The following ROBO1 variants were observed in gnomAD, a reference collection of about 807,000 sequenced individuals.
The protein encoded by ROBO1 is roundabout homolog 1.
ROBO1 carries 149 observed loss-of-function variants against 195.9 expected under a neutral mutation model. That is an observed-to-expected ratio of 0.76 (90% CI 0.67 to 0.87). ROBO1 has a LOEUF of 0.87. Among genes scored for constraint, ROBO1 ranks in the 40% least tolerant of loss-of-function variants. ROBO1 has a pLI of 0.00. For synonymous variants in ROBO1, 816 were observed against 733.2 expected (o/e 1.11, Z -1.82); for missense variants, 1,933 against 2,068.3 (o/e 0.93, Z 1.27).
intron 2 of ROBO1, among the ~76,000 whole-genome samples, chr3:79,174,971 A>T (rs1462422273): frequency 6.6e-6 from 1 of 152,190 alleles, no homozygotes; most frequent in Non-Finnish European, 1.5e-5. Flanking sequence ...TTAATAATCA[A>T]ATGATAAAAC....
In ROBO1 at chr3:79,689,548, C is replaced by T. The variant is rs148853641; in HGVS notation, c.-51+78204G>A. Reference sequence around the variant, plus strand: ...AGCACACTAGCTGTTAATCACCATCCCCTTTTCCTTATGAGGCAAATAAAA... The same window carrying T: ...AGCACACTAGCTGTTAATCACCATCTCCTTTTCCTTATGAGGCAAATAAAA... On this transcript the variant is annotated intron_variant, in intron 1 of 30. Coordinates refer to ENST00000464233, the MANE Select transcript of ROBO1 (RefSeq NM_002941.4). Among the ~76,000 whole-genome samples the T allele has an allele frequency of 5.8e-3, 882 of 151,970 alleles. 14 individuals carry two copies. The highest frequency in any genetic ancestry group is 0.018 in the African/African-American group (752 of 41,464).
intron 2 of ROBO1, among the ~76,000 whole-genome samples, chr3:79,275,382 T>A (rs2030939187): frequency 6.6e-6 from 1 of 151,900 alleles, no homozygotes; most frequent in African/African-American, 2.4e-5. Flanking sequence ...ATAAAAATCA[T>A]ATAACCATTT....
chr3:78,771,928 C>T (rs2083386378), intron 4 of ROBO1, among the ~76,000 whole-genome samples: 1 of 152,118 alleles, frequency 6.6e-6, no homozygotes, highest in African/African-American at 2.4e-5. Flanking sequence ...CCATATTACT[C>T]ATTCTAAAGT....
chr3:79,693,735 A>G (rs965000116), intron 1 of ROBO1, among the ~76,000 whole-genome samples: 1 of 151,618 alleles, frequency 6.6e-6, no homozygotes, highest in African/African-American at 2.4e-5. Flanking sequence ...ACTGTGCCCA[A>G]CCCTGATTTG....
intron 2 of ROBO1, among the ~76,000 whole-genome samples, chr3:79,446,950 C>T (rs2039278853): frequency 1.3e-5 from 2 of 152,010 alleles, no homozygotes; most frequent in African/African-American, 4.8e-5. Context: ...CAGCCTCCCA[C>T]ATAGCTGGGA....
At chr3:78,686,538 G>A (rs35039798) in intron 9 of ROBO1, among the ~76,000 whole-genome samples, 2 of 137,752 alleles carry the variant, frequency 1.5e-5, no homozygotes, top group Non-Finnish European at 3.1e-5. Flanking sequence ...CTGGGTGACA[G>A]AGCGAGACTT....
At chr3:78,603,206 C>G (rs1299467562) in intron 29 of ROBO1, among the ~76,000 whole-genome samples, 1 of 152,130 alleles carries the variant, frequency 6.6e-6, no homozygotes, top group Non-Finnish European at 1.5e-5. Context: ...CTTCATGTAC[C>G]TCAAGAGCTT....
At chr3:79,555,699 G>C (rs931825842) in intron 2 of ROBO1, among the ~76,000 whole-genome samples, 1 of 152,094 alleles carries the variant, frequency 6.6e-6, no homozygotes, top group African/African-American at 2.4e-5. Flanking sequence ...ACATGGTTAA[G>C]ATTACTGCCT....
intron 4 of ROBO1, among the ~76,000 whole-genome samples, chr3:78,766,600 G>A (rs1258514200): frequency 6.6e-6 from 1 of 152,084 alleles, no homozygotes; most frequent in East Asian, 1.9e-4. Context: ...TGATTTGGAT[G>A]CCCTTTATTT....
At position 78,635,862 on chromosome 3, in the gene ROBO1, C is replaced by T; in HGVS notation, c.3284G>A (p.Gly1095Asp). 1.2e-6 allele frequency: 2 copies of T among 1,613,832 alleles called. No individual in the cohort carries two copies. Among genetic ancestry groups the T allele is most frequent in the Non-Finnish European group, 1.7e-6 (2 of 1,179,818 alleles). ...NNMNNGSGDSGEKHWKPLGQQ... is the reference protein window; with the variant it reads ...NNMNNGSGDSDEKHWKPLGQQ... The stretch of plus-strand genomic sequence containing the variant: ...TCCCAGTGGTTTCCAGTGCTTCTCG[C>T]CAGAGTCCCCGCTGCCATTGTTCAT... Residue 1095 changes from glycine to aspartate, a missense_variant, in exon 23 of 31, where the codon GGC (glycine) becomes GAC (aspartate). Transcript: ENST00000464233.
chr3:79,460,329 C>T (rs1179912778), intron 2 of ROBO1, among the ~76,000 whole-genome samples: 1 of 152,074 alleles, frequency 6.6e-6, no homozygotes, highest in Non-Finnish European at 1.5e-5. Context: ...TAACATGTGG[C>T]CCAATTTACA....
intron 4 of ROBO1, among the ~76,000 whole-genome samples, chr3:78,916,441 A>C (rs2038594826): frequency 6.7e-6 from 1 of 150,292 alleles, no homozygotes; most frequent in African/African-American, 2.5e-5. Flanking sequence ...ACTCCCAGCT[A>C]TTCAGGAGGC....
In ROBO1 at chr3:79,634,485, CTCTT is replaced by C. The variant is rs148275685; in HGVS notation, c.-50-44528_-50-44525del. On this transcript the variant is annotated intron_variant, in intron 1 of 30. Transcript: ENST00000464233. ...ATATAGTTATCTCATTATCATAAGG[CTCTT>C]TCTTTGACAATACAGTAAATTTTCT... Among the ~76,000 whole-genome samples, 858 of 152,284 alleles carry C rather than the reference CTCTT, an allele frequency of 5.6e-3. 11 individuals carry two copies. Among genetic ancestry groups the C allele is most frequent in the African/African-American group, 0.019 (797 of 41,576 alleles).
chr3:79,381,220 G>C (rs1417389883), intron 2 of ROBO1, among the ~76,000 whole-genome samples: 2 of 151,844 alleles, frequency 1.3e-5, no homozygotes, highest in Admixed American at 6.6e-5. Context: ...ATCTGGGCGT[G>C]GAGGCAGGTG....
chr3:78,857,887 G>A (rs1156970598), intron 4 of ROBO1, among the ~76,000 whole-genome samples: 1 of 152,108 alleles, frequency 6.6e-6, no homozygotes, highest in Non-Finnish European at 1.5e-5. Context: ...CTTTCTAGAA[G>A]GATTACTTTC....
intron 2 of ROBO1, among the ~76,000 whole-genome samples, chr3:79,517,623 G>C (rs1289703192): frequency 6.6e-6 from 1 of 152,120 alleles, no homozygotes; most frequent in East Asian, 1.9e-4. Flanking sequence ...CTGCAGCCCA[G>C]ATCATCTTTG....
chr3:78,864,294 T>C (rs2035030277), intron 4 of ROBO1, among the ~76,000 whole-genome samples: 1 of 152,166 alleles, frequency 6.6e-6, no homozygotes, highest in Admixed American at 6.5e-5. Flanking sequence ...ATCCACAATG[T>C]TTATTAAAGT....
At chr3:79,038,179 G>T (rs927018294) in intron 3 of ROBO1, among the ~76,000 whole-genome samples, 3 of 152,150 alleles carry the variant, frequency 2.0e-5, no homozygotes, top group African/African-American at 7.2e-5. Context: ...GTTTAGTAGA[G>T]TCTCATCTCT....
intron 2 of ROBO1, among the ~76,000 whole-genome samples, chr3:79,378,326 G>A (rs2036455263): frequency 6.6e-6 from 1 of 151,898 alleles, no homozygotes; most frequent in Non-Finnish European, 1.5e-5. Context: ...CTCCAGCATG[G>A]GCCTGTCTCC....
Sources: allele counts gnomAD v4.1 joint callset (sites outside exome capture counted in the v4.1 genomes callset), GRCh38; gene constraint gnomAD v4.1.1; transcripts MANE v1.5; gene names NCBI Gene and HGNC (gene_info 2026-07-23, HGNC 2026-07-21).